Variants in GRAMD1B observed in about 807,000 individuals in gnomAD.
GRAMD1B encodes protein Aster-B.
In GRAMD1B, 37 loss-of-function variants were observed where a neutral mutation model predicts 99.7. The observed-to-expected ratio is 0.37, with a 90% CI of 0.29 to 0.49. The LOEUF is 0.49. GRAMD1B is among the 20% of genes least tolerant of loss of function. The probability of loss-of-function intolerance (pLI) is 0.98; values close to 1 mark genes in which losing one functional copy is unlikely to be tolerated. For missense variants in GRAMD1B, 888 were observed against 1,009.2 expected, an observed-to-expected ratio of 0.88 and a Z score of 1.63; for synonymous variants, 427 against 387.6, an observed-to-expected ratio of 1.10 and a Z score of -1.19.
At chr11:123,372,670 C>T (rs1049920875) in intron 1 of GRAMD1B, among the ~76,000 whole-genome samples, 2 of 152,204 alleles carry the variant, frequency 1.3e-5, no homozygotes, top group East Asian at 1.9e-4. Context: ...CTCTCCCCTC[C>T]TTCCCTCGTT....
chr11:123,506,159 T>C (rs1301827726), intron 2 of GRAMD1B, among the ~76,000 whole-genome samples: 1 of 152,216 alleles, frequency 6.6e-6, no homozygotes, highest in Non-Finnish European at 1.5e-5. Flanking sequence ...CAGTACTACA[T>C]GTCCCAGAGT....
chr11:123,624,195 A>G lies in GRAMD1B; in HGVS notation c.*1600A>G, dbSNP rs1955368750. On this transcript the variant is annotated 3_prime_UTR_variant, in exon 20 of 20. Transcript: ENST00000635736. ...ATTCTTCTCCTGGGCTTCTTGACAC[A>G]GGGGCAGAAGAAACCCCAGATGTCC... The G allele has an allele frequency of 6.6e-6, 1 of 152,356 alleles. No individual in the cohort carries two copies. Among genetic ancestry groups the G allele is most frequent in the South Asian group, 2.1e-4 (1 of 4,826 alleles). 9.4% of individuals were successfully genotyped at this position (152,356 alleles called of 1,614,324 possible). A position where few individuals can be genotyped will look rare whatever the true frequency, so the allele number is the denominator to read the frequency against.
chr11:123,409,924 T>C (rs1044972199), intron 1 of GRAMD1B, among the ~76,000 whole-genome samples: 3 of 152,174 alleles, frequency 2.0e-5, no homozygotes, highest in Non-Finnish European at 4.4e-5. Flanking sequence ...CGAACAATAG[T>C]TCCGTAACTT....
chr11:123,425,267 A>G (rs1948607190), intron 1 of GRAMD1B, among the ~76,000 whole-genome samples: 1 of 152,222 alleles, frequency 6.6e-6, no homozygotes, highest in African/African-American at 2.4e-5. Flanking sequence ...GATATTTTGC[A>G]ATGCTTCTGA....
At chr11:123,575,392 G>A (rs369781156) in intron 2 of GRAMD1B, among the ~76,000 whole-genome samples, 3 of 152,022 alleles carry the variant, frequency 2.0e-5, no homozygotes, top group Non-Finnish European at 4.4e-5. Context: ...CATGTTGCCC[G>A]GGCTGGTCTC....
At chr11:123,597,844 T>C in intron 7 of GRAMD1B, 1 of 700,064 alleles carries the variant, frequency 1.4e-6, no homozygotes, top group Non-Finnish European at 2.6e-6. Context: ...TGAAACTAAG[T>C]AGCAAAAGGT....
chr11:123,541,513 C>G (rs1944523521), intron 2 of GRAMD1B, among the ~76,000 whole-genome samples: 1 of 149,256 alleles, frequency 6.7e-6, no homozygotes, highest in African/African-American at 2.5e-5. Context: ...TTCATATGAT[C>G]TATTTATATT....
chr11:123,472,560 A>C (rs765842742), intron 1 of GRAMD1B, among the ~76,000 whole-genome samples: 8 of 152,218 alleles, frequency 5.3e-5, no homozygotes, highest in Non-Finnish European at 1.2e-4. Flanking sequence ...TAATAGGCGA[A>C]AGAAAGAGAA....
In GRAMD1B at chr11:123,610,199, A is replaced by G; in HGVS notation, c.1780A>G (p.Met594Val). The G allele has an allele frequency of 2.5e-6, 4 of 1,613,880 alleles. 1 individual carries two copies. The South Asian group carries it at 4.4e-5, about 18-fold the overall frequency. Reference protein sequence around the residue: ...KTATVRETQTMYKASQESECY... With the variant: ...KTATVRETQTVYKASQESECY... ...AATGGACCTTTCCTGCCCGCAGACC[A>G]TGTACAAGGCGAGCCAGGAGAGTGA... Residue 594 changes from methionine to valine, a missense_variant, in exon 14 of 20, where the codon ATG (methionine) becomes GTG (valine). Around this residue, in one of 5 missense-constraint regions of GRAMD1B, gnomAD observed 92 missense variants for 156.9 expected, o/e 0.59. Transcript: ENST00000635736. The surrounding 1 kb of genome is among the most constrained non-coding windows in gnomAD (Gnocchi z 4.1).
chr11:123,460,232 G>A (rs1480682629), intron 1 of GRAMD1B: 2 of 152,230 alleles, frequency 1.3e-5, no homozygotes, highest in African/African-American at 2.4e-5. Context: ...TCAGAAGGCT[G>A]TCAAAGTGCT....
rs145175083 is a variant in GRAMD1B, at chr11:123,443,883, G to A, written c.374+12717G>A. Among the ~76,000 whole-genome samples the A allele has an allele frequency of 5.5e-3, 835 of 152,294 alleles. 2 individuals carry two copies. Among genetic ancestry groups the A allele is most frequent in the Middle Eastern group, 0.024 (7 of 294 alleles). Reference sequence around the variant, plus strand: ...GGCGTGAGCCACTGCACCTGGCCCAGATTCAAAGATTTTCTGATTGGCAAG... The same window carrying A: ...GGCGTGAGCCACTGCACCTGGCCCAAATTCAAAGATTTTCTGATTGGCAAG... On this transcript the variant is annotated intron_variant, in intron 1 of 19. Transcript: ENST00000635736.
At chr11:123,617,326 G>T (rs577312206) in intron 17 of GRAMD1B, among the ~76,000 whole-genome samples, 1 of 151,876 alleles carries the variant, frequency 6.6e-6, no homozygotes, top group Non-Finnish European at 1.5e-5. Flanking sequence ...TGGGACCACA[G>T]GTGCATGTCA....
At position 123,430,889 on chromosome 11, in the gene GRAMD1B, T is replaced by G. The variant is rs1346278723; in HGVS notation, c.97T>G (p.Ser33Ala). 2.8e-6 allele frequency: 2 copies of G among 702,444 alleles called. No individual in the cohort carries two copies. Among genetic ancestry groups the G allele is most frequent in the Admixed American group, 4.0e-5 (2 of 50,014 alleles). The allele number at this position is 702,444 out of a possible 1,614,324, so 43.5% of individuals were successfully genotyped here. ...CGAGGGCAGCCCGGTCTGGTCCAGTTCGTCGACCCCCACGCTTCGCCGCCG... is the reference window on the plus strand; with the variant it reads ...CGAGGGCAGCCCGGTCTGGTCCAGTGCGTCGACCCCCACGCTTCGCCGCCG... ...APEGSPVWSSSSTPTLRRRRF... is the reference protein window; with the variant it reads ...APEGSPVWSSASTPTLRRRRF... Residue 33 changes from serine to alanine, a missense_variant, in exon 1 of 20, where the codon TCG becomes GCG. By Grantham distance (99) the Ser-to-Ala change is moderately conservative. Coordinates refer to ENST00000635736, the MANE Select transcript of GRAMD1B (RefSeq NM_001387025.1).
intron 1 of GRAMD1B, among the ~76,000 whole-genome samples, chr11:123,359,881 G>A (rs761608830): frequency 3.9e-5 from 6 of 152,158 alleles, no homozygotes; most frequent in Non-Finnish European, 7.3e-5. Context: ...CTCTGCCAAC[G>A]CCTACATGGG....
At chr11:123,609,636 T>G (rs1451662262) in intron 12 of GRAMD1B, among the ~76,000 whole-genome samples, 159 bp from the exon 13 acceptor site, 1 of 152,172 alleles carries the variant, frequency 6.6e-6, no homozygotes, top group East Asian at 1.9e-4. Flanking sequence ...CTACTCCTCC[T>G]CTTCCCACCC....
intron 2 of GRAMD1B, among the ~76,000 whole-genome samples, chr11:123,491,388 C>G (rs1938540083): frequency 6.6e-6 from 1 of 152,122 alleles, no homozygotes; most frequent in South Asian, 2.1e-4. Flanking sequence ...CCCATGGACT[C>G]ACGGACATTC....
intron 2 of GRAMD1B, among the ~76,000 whole-genome samples, chr11:123,508,284 C>T (rs149611064): frequency 0.011 from 1,712 of 152,192 alleles, 19 homozygotes; most frequent in Non-Finnish European, 0.014. Flanking sequence ...GGAAGAAAAT[C>T]GGTTGATCTC....
intron 1 of GRAMD1B, among the ~76,000 whole-genome samples, chr11:123,409,999 G>C (rs985318091): frequency 2.0e-5 from 3 of 152,128 alleles, no homozygotes; most frequent in African/African-American, 7.2e-5. Flanking sequence ...CACAAGATCA[G>C]ATTTTGGAAA....
chr11:123,481,951 A>G (rs762782758), intron 2 of GRAMD1B, among the ~76,000 whole-genome samples: 1 of 152,176 alleles, frequency 6.6e-6, no homozygotes, highest in Non-Finnish European at 1.5e-5. Flanking sequence ...ACATTTATCA[A>G]CTTATGGTGG....
Sources: allele counts gnomAD v4.1 joint callset (sites outside exome capture counted in the v4.1 genomes callset), GRCh38; gene constraint gnomAD v4.1.1; regional missense constraint gnomAD v4.1.1; non-coding constraint Gnocchi (gnomAD v3.1); transcripts MANE v1.5; gene names NCBI Gene and HGNC (gene_info 2026-07-23, HGNC 2026-07-21).